PLD1: variants seen among roughly 807,000 people sequenced by gnomAD.
PLD1 encodes phospholipase D1.
Under a neutral mutation model 137.1 loss-of-function variants are expected in PLD1, and 112 were observed. The ratio of observed to expected loss-of-function variants is 0.82; its 90% CI spans 0.70 to 0.96. The LOEUF (loss-of-function observed/expected upper bound fraction) is 0.96, where lower values mean the gene tolerates loss of function less well. Among genes scored for constraint, PLD1 ranks in the 40% least tolerant of loss-of-function variants. PLD1 has a pLI of 0.00. For synonymous variants in PLD1, 431 were observed against 454.7 expected (o/e 0.95, Z 0.66); for missense variants, 1,321 against 1,342.0 (o/e 0.98, Z 0.24).
At chr3:171,714,715 C>T (rs1442068818) in intron 8 of PLD1, among the ~76,000 whole-genome samples, 2 of 152,162 alleles carry the variant, frequency 1.3e-5, no homozygotes, top group East Asian at 3.9e-4. Flanking sequence ...TTAATGTAGA[C>T]AGACCTACAT....
chr3:171,765,608 C>T (rs927160056), intron 1 of PLD1: 3 of 152,192 alleles, frequency 2.0e-5, no homozygotes, highest in Non-Finnish European at 2.9e-5. Context: ...AGCTTCCATT[C>T]GAATCTACTA....
rs60146546 is a variant in PLD1, at chr3:171,808,815, A to ATTTTTTTTTTTTTTTTTTTTTTT, written c.-32+1561_-32+1583dup. On this transcript the variant is annotated intron_variant, in intron 1 of 26. Coordinates refer to ENST00000351298, the MANE Select transcript of PLD1 (RefSeq NM_002662.5). ...TTTTTCCTCAAAGCCTTAGCATTCA[A>ATTTTTTTTTTTTTTTTTTTTTTT]TTTTTTTTTTTTTTTTTTTTTTTTT... 2.7e-4 allele frequency among the ~76,000 whole-genome samples: 23 copies of ATTTTTTTTTTTTTTTTTTTTTTT among 86,232 alleles called. 1 individual carries two copies. The highest frequency in any genetic ancestry group is 6.3e-4 in the African/African-American group (13 of 20,672). 56.6% of individuals were successfully genotyped at this position (86,232 alleles called of 152,430 possible). A position where few individuals can be genotyped will look rare whatever the true frequency, so the allele number is the denominator to read the frequency against.
intron 4 of PLD1, 53 bp from the exon 5 acceptor site, chr3:171,735,023 T>C (rs1007500045): frequency 1.0e-5 from 10 of 1,003,732 alleles, no homozygotes; most frequent in South Asian, 2.7e-5. Context: ...TCTGTGACTA[T>C]GACTTTAGTA....
rs144542859 is a variant in PLD1, at chr3:171,662,948, T to C, written c.2230-778A>G. 4.9e-3 allele frequency among the ~76,000 whole-genome samples: 747 copies of C among 152,302 alleles called. 4 individuals carry two copies. Among genetic ancestry groups the C allele is most frequent in the Admixed American group, 9.5e-3 (145 of 15,296 alleles). ...CTTTTTGTCATTCCATATCCGAAGT[T>C]TTTCTACTATGCCACACTGTTTTGC... On this transcript the variant is annotated intron_variant, in intron 19 of 26. Coordinates refer to ENST00000351298, the MANE Select transcript of PLD1 (RefSeq NM_002662.5).
chr3:171,628,710 C>A (rs879433349), intron 23 of PLD1, among the ~76,000 whole-genome samples: 5 of 150,580 alleles, frequency 3.3e-5, no homozygotes, highest in Admixed American at 6.6e-5. Context: ...GTTCAATATA[C>A]GCAAATCAAT....
At chr3:171,806,486 C>T (rs1723853240) in intron 1 of PLD1, among the ~76,000 whole-genome samples, 1 of 152,234 alleles carries the variant, frequency 6.6e-6, no homozygotes, top group African/African-American at 2.4e-5. Context: ...AACCCTGCAA[C>T]AACTTTTAGC....
intron 1 of PLD1, among the ~76,000 whole-genome samples, chr3:171,761,990 C>T (rs1721428124): frequency 6.6e-6 from 1 of 152,230 alleles, no homozygotes; most frequent in South Asian, 2.1e-4. Flanking sequence ...TGGACTCTAT[C>T]TTCTTATCAG....
intron 22 of PLD1, among the ~76,000 whole-genome samples, chr3:171,644,014 G>A (rs1244677729): frequency 4.6e-5 from 7 of 152,186 alleles, no homozygotes; most frequent in South Asian, 2.1e-4. Flanking sequence ...AGCATCTGGC[G>A]AGGGGGCCCA....
At chr3:171,793,781 A>G (rs1233886653) in intron 1 of PLD1, 1 of 152,108 alleles carries the variant, frequency 6.6e-6, no homozygotes, top group South Asian at 2.1e-4. Flanking sequence ...GGCGTTTTCC[A>G]CTTATGTCAC....
At chr3:171,781,485 G>C (rs1408198309) in intron 1 of PLD1, among the ~76,000 whole-genome samples, 1 of 152,054 alleles carries the variant, frequency 6.6e-6, no homozygotes, top group Non-Finnish European at 1.5e-5. Context: ...GCCACAGCCT[G>C]GGATAAAATA....
intron 21 of PLD1, among the ~76,000 whole-genome samples, chr3:171,657,440 A>C (rs1031910618): frequency 6.6e-6 from 1 of 152,246 alleles, no homozygotes; most frequent in Non-Finnish European, 1.5e-5. Flanking sequence ...AAAGTAATGA[A>C]ATATAATGGT....
At chr3:171,745,803 C>T (rs1720112205) in intron 1 of PLD1, among the ~76,000 whole-genome samples, 1 of 152,168 alleles carries the variant, frequency 6.6e-6, no homozygotes, top group Admixed American at 6.5e-5. Context: ...TTGAGGAGCC[C>T]TTCAGCCCAC....
rs554495303 is a variant in PLD1 at position 171,602,507 on chromosome 3, T to G, written c.*571A>C. Reference sequence around the variant, plus strand: ...GCTAAAGTCTGCCGTGTTCGTACAGTGACTGAAAAGGAATAATGACTATAT... The same window carrying G: ...GCTAAAGTCTGCCGTGTTCGTACAGGGACTGAAAAGGAATAATGACTATAT... On this transcript the variant is annotated 3_prime_UTR_variant, in exon 27 of 27. Transcript: ENST00000351298. 1.9e-5 allele frequency: 3 copies of G among 157,654 alleles called. No individual in the cohort carries two copies. Among genetic ancestry groups the G allele is most frequent in the South Asian group, 3.8e-4 (2 of 5,278 alleles). 9.8% of individuals were successfully genotyped at this position (157,654 alleles called of 1,614,324 possible).
chr3:171,731,126 C>A (rs1270935364), intron 6 of PLD1, among the ~76,000 whole-genome samples: 1 of 152,122 alleles, frequency 6.6e-6, no homozygotes, highest in Non-Finnish European at 1.5e-5. Context: ...GTCCCTTGAC[C>A]TATGATCCAT....
At chr3:171,781,695 T>A (rs1426091287) in intron 1 of PLD1, among the ~76,000 whole-genome samples, 1 of 152,080 alleles carries the variant, frequency 6.6e-6, no homozygotes, top group Non-Finnish European at 1.5e-5. Context: ...TACTGCTACA[T>A]CCCCACCAGA....
intron 25 of PLD1, among the ~76,000 whole-genome samples, chr3:171,606,569 G>C (rs1732220493): frequency 6.6e-6 from 1 of 152,190 alleles, no homozygotes; most frequent in South Asian, 2.1e-4. Context: ...AAAAGCCAGA[G>C]GATGTGGAAT....
chr3:171,805,434 G>A (rs550486670), intron 1 of PLD1, among the ~76,000 whole-genome samples: 1 of 152,188 alleles, frequency 6.6e-6, no homozygotes, highest in East Asian at 1.9e-4. Flanking sequence ...TTAAAATATT[G>A]AAATGCTTCC....
chr3:171,676,815 G>T lies in PLD1; in HGVS notation c.2015C>A (p.Ser672Tyr). ...GTCATGCCAGGGCATCCGGGGCGTG[G>T]AGTACCTGTCAATGAAATCTGCCCG... ...KPFADFIDRY[S>Y]TPRMPWHDIA... Residue 672 changes from serine to tyrosine, a missense_variant, in exon 18 of 27, where the codon TCC becomes TAC. By Grantham distance (144) the Ser-to-Tyr change is moderately radical. Coordinates refer to ENST00000351298, the MANE Select transcript of PLD1 (RefSeq NM_002662.5). The T allele has an allele frequency of 6.2e-7, 1 of 1,613,794 alleles. No individual in the cohort carries two copies. The highest frequency in any genetic ancestry group is 8.5e-7 in the Non-Finnish European group (1 of 1,179,718).
intron 16 of PLD1, among the ~76,000 whole-genome samples, chr3:171,685,109 C>T (rs548539620): frequency 1.9e-4 from 29 of 152,274 alleles, no homozygotes; most frequent in Admixed American, 5.2e-4. Flanking sequence ...CTTTCTTAAA[C>T]ATTGTAATTT....
Sources: gnomAD v4.1 joint callset for allele counts (sites outside exome capture counted in the v4.1 genomes callset) on GRCh38, gnomAD v4.1.1 for gene constraint, MANE v1.5 for transcripts, NCBI Gene and HGNC (gene_info 2026-07-23, HGNC 2026-07-21) for gene names.